Variants in TBL3 observed in about 807,000 individuals in gnomAD.
TBL3 encodes the protein transducin beta-like protein 3.
In TBL3, 71 loss-of-function variants were observed where a neutral mutation model predicts 102.7. The ratio of observed to expected loss-of-function variants is 0.69; its 90% CI spans 0.57 to 0.84. The LOEUF is 0.84. Ranked by LOEUF, TBL3 falls within the 40% of genes least tolerant of loss-of-function variation. The probability of loss-of-function intolerance (pLI) is 0.00; values close to 1 mark genes in which losing one functional copy is unlikely to be tolerated. For missense variants in TBL3, 1,188 were observed against 1,098.5 expected (o/e 1.08, Z -1.15); for synonymous variants, 578 against 477.7 (o/e 1.21, Z -2.74).
chr16:1,978,613 G>A lies in TBL3; in HGVS notation c.2355G>A (p.Trp785Ter). The change falls in exon 22 of 22, where the codon TGG (tryptophan) becomes TGA (stop). Residue 785 changes from tryptophan (W) to a stop codon, truncating the protein, a stop_gained. Coordinates refer to ENST00000568546, the MANE Select transcript of TBL3 (RefSeq NM_006453.3). LOFTEE classifies it low-confidence loss of function (END_TRUNC). ...LQAAAFLDFL[W>*]HNMKLPVPAA... ...CCGCCGCTTTCTTGGACTTCCTGTG[G>A]CACAACATGAAGCTCCCTGTGCCGG... The A allele has an allele frequency of 6.2e-7, 1 of 1,612,808 alleles. No homozygotes were observed. The highest frequency in any genetic ancestry group is 8.5e-7 in the Non-Finnish European group (1 of 1,179,882).
Position 1,974,580 on chromosome 16 carries a change from G to T in TBL3, c.280G>T (p.Ala94Ser). ...ASRALLLAQW[A>S]WQEGSVTRLW... ...TCGGGCATTGCTGCTGGCTCAGTGG[G>T]CCTGGCAAGAGGGCAGCGTTACCCG... is the stretch of plus-strand genomic sequence containing the variant. The change falls in exon 5 of 22, where the codon GCC (alanine) becomes TCC (serine). Residue 94 changes from alanine to serine, a missense_variant. By Grantham distance (99) the Ala-to-Ser change is moderately conservative. Transcript: ENST00000568546. 6.2e-7 allele frequency: 1 copy of T among 1,611,118 alleles called. No individual in the cohort carries two copies. The highest frequency in any genetic ancestry group is 8.5e-7 in the Non-Finnish European group (1 of 1,178,372).
chr16:1,978,453 G>A lies in TBL3; in HGVS notation c.2275G>A (p.Ala759Thr), dbSNP rs1327804975. The change falls in exon 21 of 22, where the codon GCC becomes ACC. Residue 759 changes from alanine to threonine, a missense_variant. By Grantham distance (58) the Ala-to-Thr change is moderately conservative (BLOSUM62 0). Transcript: ENST00000568546. Reference sequence around the variant, plus strand: ...CGAAGGCGTGCGGGCAGCGCTTGAGGCCCTGCTGCCCTACACTGGTATGTG... The same window carrying A: ...CGAAGGCGTGCGGGCAGCGCTTGAGACCCTGCTGCCCTACACTGGTATGTG... ...AYEGVRAALE[A>T]LLPYTERHFQ... 6.2e-7 allele frequency: 1 copy of A among 1,606,738 alleles called. No individual in the cohort carries two copies. Among genetic ancestry groups the A allele is most frequent in the Non-Finnish European group, 8.5e-7 (1 of 1,177,046 alleles).
In TBL3 at chr16:1,974,996, G is replaced by A. The variant is rs779583400; in HGVS notation, c.533G>A (p.Arg178His). ...TCCTCGGCCACGGATGCCGCCATCC[G>A]CGTGTGGTCACTGCAGGACCGGTCA... ...LFSSATDAAI[R>H]VWSLQDRSCL... Residue 178 changes from arginine to histidine, a missense_variant, in exon 7 of 22, where the codon CGC becomes CAC. Arg to His is a conservative substitution (Grantham distance 29). Transcript: ENST00000568546. 9 of 1,607,458 alleles carry A rather than the reference G, an allele frequency of 5.6e-6. No individual in the cohort carries two copies. Among genetic ancestry groups the A allele is most frequent in the Admixed American group, 3.3e-5 (2 of 60,000 alleles).
At position 1,980,371 on chromosome 16, in the gene TBL3, C is replaced by T; in HGVS notation, c.*1686C>T. 1.9e-6 allele frequency: 3 copies of T among 1,600,186 alleles called. No individual in the cohort carries two copies. Among genetic ancestry groups the T allele is most frequent in the Non-Finnish European group, 2.5e-6 (3 of 1,178,730 alleles). On this transcript the variant is annotated 3_prime_UTR_variant, in exon 22 of 22. Transcript: ENST00000568546. ...AGTTTGGGGCGAGTCAGGCACCTGC[C>T]GGGTGGCAGCGCGGGCTCCAGGTCC...
Position 1,980,313 on chromosome 16 carries a change from C to A in TBL3, c.*1628C>A. 6.4e-7 allele frequency: 1 copy of A among 1,563,464 alleles called. No homozygotes were observed. The highest frequency in any genetic ancestry group is 8.6e-7 in the Non-Finnish European group (1 of 1,158,798). On this transcript the variant is annotated 3_prime_UTR_variant, in exon 22 of 22. Coordinates refer to ENST00000568546, the MANE Select transcript of TBL3 (RefSeq NM_006453.3). ...CTGGCTGTTCCCCCCCACCCTGGAC[C>A]TCTCCCAGCTCCAAACGCCGCTGCA... is the stretch of plus-strand genomic sequence containing the variant.
At position 1,974,586 on chromosome 16, in the gene TBL3, C is replaced by G; in HGVS notation, c.286C>G (p.Gln96Glu). ...ATTGCTGCTGGCTCAGTGGGCCTGG[C>G]AAGAGGGCAGCGTTACCCGCCTGTG... is the stretch of plus-strand genomic sequence containing the variant. ...RALLLAQWAW[Q>E]EGSVTRLWKA... The change falls in exon 5 of 22, where the codon CAA becomes GAA. Residue 96 changes from glutamine (Q) to glutamate (E), a missense_variant. Physicochemically the swap from Gln to Glu is conservative, Grantham distance 29. Coordinates refer to ENST00000568546, the MANE Select transcript of TBL3 (RefSeq NM_006453.3). The G allele has an allele frequency of 6.2e-7, 1 of 1,611,292 alleles. No homozygotes were observed. Among genetic ancestry groups the G allele is most frequent in the Non-Finnish European group, 8.5e-7 (1 of 1,178,558 alleles).
chr16:1,975,123 G>T (rs1377366752), intron 7 of TBL3, 25 bp downstream of exon 7: 2 of 1,612,904 alleles, frequency 1.2e-6, no homozygotes, highest in African/African-American at 2.7e-5. Flanking sequence ...CTGGTAGGAG[G>T]GGGAGGCTTG....
In TBL3 at chr16:1,978,830, C is replaced by A; in HGVS notation, c.*145C>A. 1 of 1,233,986 alleles carries A rather than the reference C, an allele frequency of 8.1e-7. No individual in the cohort carries two copies. Among genetic ancestry groups the A allele is most frequent in the Non-Finnish European group, 1.1e-6 (1 of 891,258 alleles). The allele number at this position is 1,233,986 out of a possible 1,614,324, so 76.4% of individuals were successfully genotyped here. ...CTAGCCAGCCAGAAGGGCACTGGAG[C>A]TGATGGTCTCGGCCCTGCCACGCCC... On this transcript the variant is annotated 3_prime_UTR_variant, in exon 22 of 22. Coordinates refer to ENST00000568546, the MANE Select transcript of TBL3 (RefSeq NM_006453.3).
In TBL3 at chr16:1,977,100, C is replaced by T; in HGVS notation, c.1487C>T (p.Thr496Ile). ...AIAPNDKLLATGSQDRTAKLW... is the reference protein window; with the variant it reads ...AIAPNDKLLAIGSQDRTAKLW... ...GCCCCCAACGACAAGCTGCTGGCCA[C>T]AGGCTCACAGGACCGCACGGCCAAG... The change falls in exon 15 of 22, where the codon ACA becomes ATA. Residue 496 changes from threonine to isoleucine, a missense_variant. Physicochemically the swap from Thr to Ile is moderately conservative, Grantham distance 89. Coordinates refer to ENST00000568546, the MANE Select transcript of TBL3 (RefSeq NM_006453.3). 6.2e-7 allele frequency: 1 copy of T among 1,613,178 alleles called. No homozygotes were observed. Among genetic ancestry groups the T allele is most frequent in the Non-Finnish European group, 8.5e-7 (1 of 1,180,004 alleles).
chr16:1,979,460 C>T lies in TBL3; in HGVS notation c.*775C>T. 1 of 1,611,360 alleles carries T rather than the reference C, an allele frequency of 6.2e-7. No individual in the cohort carries two copies. The highest frequency in any genetic ancestry group is 8.5e-7 in the Non-Finnish European group (1 of 1,179,464). ...ACCAGCCGCGGTCTGACGTTTCCAA[C>T]ACGCGCACGCGCGCCCCCGCGGGCA... On this transcript the variant is annotated 3_prime_UTR_variant, in exon 22 of 22. Transcript: ENST00000568546.
chr16:1,979,588 G>A lies in TBL3; in HGVS notation c.*903G>A, dbSNP rs574180461. The A allele has an allele frequency of 8.7e-6, 13 of 1,495,970 alleles. No homozygotes were observed. The African/African-American group carries it at 9.6e-5, about 11-fold the overall frequency. The allele number at this position is 1,495,970 out of a possible 1,614,324, so 92.7% of individuals were successfully genotyped here. A position where few individuals can be genotyped will look rare whatever the true frequency, so the allele number is the denominator to read the frequency against. ...GAGTCACCGCGGGGCCACAGAGGACGAGGCCCGCCCGCACCCTTCTCCACA... is the reference window on the plus strand; with the variant it reads ...GAGTCACCGCGGGGCCACAGAGGACAAGGCCCGCCCGCACCCTTCTCCACA... On this transcript the variant is annotated 3_prime_UTR_variant, in exon 22 of 22. Transcript: ENST00000568546.
rs1420786942 is a variant in TBL3 at position 1,979,831 on chromosome 16, G to A, written c.*1146G>A. On this transcript the variant is annotated 3_prime_UTR_variant, in exon 22 of 22. Coordinates refer to ENST00000568546, the MANE Select transcript of TBL3 (RefSeq NM_006453.3). ...CGGGCCTCCCTCCCGGCCTTGGCCC[G>A]GGGCCGCCTCCTCCAGGTAGGGCGC... is the stretch of plus-strand genomic sequence containing the variant. The A allele has an allele frequency of 4.5e-6, 7 of 1,572,488 alleles. No individual in the cohort carries two copies. The South Asian group carries it at 5.8e-5, about 13-fold the overall frequency.
chr16:1,976,788 TCTC>T (rs1402873882), intron 13 of TBL3, 23 bp from the exon 14 acceptor site: 3 of 1,611,540 alleles, frequency 1.9e-6, no homozygotes, highest in Non-Finnish European at 2.5e-6. Flanking sequence ...CTCAGCTGTG[TCTC>T]CTCCTCTCCT....
In TBL3 at chr16:1,979,114, G is replaced by C. The variant is rs1302435362; in HGVS notation, c.*429G>C. On this transcript the variant is annotated 3_prime_UTR_variant, in exon 22 of 22. Transcript: ENST00000568546. ...CACCCTCGAGGGCGGCCCTGGCGCC[G>C]TGGGCGCCGCTCCAGGGCCCTGCGT... 6 of 1,490,300 alleles carry C rather than the reference G, an allele frequency of 4.0e-6. No homozygotes were observed. Among genetic ancestry groups the C allele is most frequent in the South Asian group, 2.6e-5 (2 of 78,028 alleles). The allele number at this position is 1,490,300 out of a possible 1,614,324, so 92.3% of individuals were successfully genotyped here.
chr16:1,981,183 T>C lies in TBL3; in HGVS notation c.*2498T>C. 6.2e-7 allele frequency: 1 copy of C among 1,613,626 alleles called. No individual in the cohort carries two copies. Among genetic ancestry groups the C allele is most frequent in the Non-Finnish European group, 8.5e-7 (1 of 1,180,006 alleles). ...CTGGGTATCGGGGGCCTGCCATGGC[T>C]GTGGCTTCCAGGCTGCAGATTCCTG... On this transcript the variant is annotated 3_prime_UTR_variant, in exon 22 of 22. Transcript: ENST00000568546.
chr16:1,975,294 G>C lies in TBL3; in HGVS notation c.711+32G>C, dbSNP rs775025509. The C allele has an allele frequency of 2.0e-5, 33 of 1,613,866 alleles. No homozygotes were observed. In the East Asian group the frequency reaches 4.7e-4, roughly 23 times the overall value. On this transcript the variant is annotated intron_variant, in intron 8 of 21. Transcript: ENST00000568546. ...ATGCCTGGAGGCCAGGGCTGGTTGAGTTGGGTGGGGAGGGGGCATGATAGC... is the reference window on the plus strand; with the variant it reads ...ATGCCTGGAGGCCAGGGCTGGTTGACTTGGGTGGGGAGGGGGCATGATAGC...
At position 1,975,141 on chromosome 16, in the gene TBL3, G is replaced by A. The variant is rs552794608; in HGVS notation, c.635+43G>A. ...GTAGGAGGGGGAGGCTTGGAAAGTGGGGGCTGAGGCTAAGACTTGACCTGA... is the reference window on the plus strand; with the variant it reads ...GTAGGAGGGGGAGGCTTGGAAAGTGAGGGCTGAGGCTAAGACTTGACCTGA... On this transcript the variant is annotated intron_variant, in intron 7 of 21. Transcript: ENST00000568546. 29 of 1,613,478 alleles carry A rather than the reference G, an allele frequency of 1.8e-5. No homozygotes were observed. The Admixed American group carries it at 2.3e-4, about 13-fold the overall frequency.
chr16:1,981,921 G>T lies in TBL3; in HGVS notation c.*3236G>T, dbSNP rs1400196398. The T allele has an allele frequency of 6.6e-6, 1 of 152,224 alleles. No homozygotes were observed. Among genetic ancestry groups the T allele is most frequent in the East Asian group, 1.9e-4 (1 of 5,192 alleles). 9.4% of individuals were successfully genotyped at this position (152,224 alleles called of 1,614,324 possible). On this transcript the variant is annotated 3_prime_UTR_variant, in exon 22 of 22. Coordinates refer to ENST00000568546, the MANE Select transcript of TBL3 (RefSeq NM_006453.3). Reference sequence around the variant, plus strand: ...CTGTGCAGTCACTGGCATTTGGTGGGTGGGGGTGGTGGTCAGGGAAGTGGT... The same window carrying T: ...CTGTGCAGTCACTGGCATTTGGTGGTTGGGGGTGGTGGTCAGGGAAGTGGT...
Position 1,979,250 on chromosome 16 carries a change from C to T in TBL3, c.*565C>T, listed in dbSNP as rs1049315039. ...CAGGGAAGCCCCGGGCCTCACCCGC[C>T]GGGTCGTCTCCTCCACGGAACCCCG... On this transcript the variant is annotated 3_prime_UTR_variant, in exon 22 of 22. Transcript: ENST00000568546. The T allele has an allele frequency of 7.6e-5, 115 of 1,518,174 alleles. No individual in the cohort carries two copies. Among genetic ancestry groups the T allele is most frequent in the Non-Finnish European group, 9.1e-5 (104 of 1,139,640 alleles). The allele number at this position is 1,518,174 out of a possible 1,614,324, so 94.0% of individuals were successfully genotyped here.
Sources: gnomAD v4.1 joint callset for allele counts on GRCh38, gnomAD v4.1.1 for gene constraint, MANE v1.5 for transcripts, NCBI Gene and HGNC (gene_info 2026-07-23, HGNC 2026-07-21) for gene names.